Variants in HS2ST1 observed in about 807,000 individuals in gnomAD.
HS2ST1 encodes heparan sulfate 2-O-sulfotransferase 1, also known as 2-O-sulfotransferase.
In HS2ST1, 18 loss-of-function variants were observed where a neutral mutation model predicts 42.9. That is an observed-to-expected ratio of 0.42 (90% CI 0.29 to 0.62). The LOEUF (loss-of-function observed/expected upper bound fraction) is 0.62, where lower values mean the gene tolerates loss of function less well. HS2ST1 is among the 20% of genes least tolerant of loss of function. The pLI is 0.21. For synonymous variants in HS2ST1, 146 were observed against 152.9 expected (o/e 0.95, Z 0.33); for missense variants, 334 against 433.8 (o/e 0.77, Z 2.04).
Position 86,915,096 on chromosome 1 carries a change from C to T in HS2ST1, c.60C>T (p.Phe20=). The T allele has an allele frequency of 6.2e-7, 1 of 1,614,108 alleles. No individual in the cohort carries two copies. The highest frequency in any genetic ancestry group is 8.5e-7 in the Non-Finnish European group (1 of 1,180,006). Residue 20 remains phenylalanine (F), a synonymous_variant, in exon 1 of 7, where the codon TTC becomes TTT. Coordinates refer to ENST00000370550, the MANE Select transcript of HS2ST1 (RefSeq NM_012262.4). ...PKLQLLAVVA[F]AVAMLFLENQ... ...TGCAGCTGCTGGCGGTGGTGGCCTT[C>T]GCGGTGGCGATGCTCTTCTTGGAAA...
intron 2 of HS2ST1, among the ~76,000 whole-genome samples, chr1:87,078,678 T>G: frequency 6.6e-6 from 1 of 152,250 alleles, no homozygotes; most frequent in African/African-American, 2.4e-5. Flanking sequence ...ACTTTACCTT[T>G]CATTTGTGCC....
chr1:86,942,729 T>C (rs1660789202), intron 1 of HS2ST1, among the ~76,000 whole-genome samples: 1 of 152,158 alleles, frequency 6.6e-6, no homozygotes, highest in African/African-American at 2.4e-5. Flanking sequence ...CCTACTCCAA[T>C]CTCCTTAAGA....
chr1:86,921,522 G>T (rs1660299769), intron 1 of HS2ST1, among the ~76,000 whole-genome samples: 1 of 152,088 alleles, frequency 6.6e-6, no homozygotes, highest in Non-Finnish European at 1.5e-5. Context: ...GCGGGAGGTG[G>T]AGGGTGTTTA....
intron 3 of HS2ST1, among the ~76,000 whole-genome samples, chr1:87,086,394 T>TC (rs939774321): frequency 6.6e-6 from 1 of 152,218 alleles, no homozygotes; most frequent in African/African-American, 2.4e-5. Flanking sequence ...CAGACTCGTG[T>TC]TGTTCAAGGG....
intron 1 of HS2ST1, among the ~76,000 whole-genome samples, chr1:86,976,475 G>A (rs1194162301): frequency 2.0e-5 from 3 of 151,818 alleles, no homozygotes; most frequent in Non-Finnish European, 4.4e-5. Flanking sequence ...AGAAACCATG[G>A]CTTTGGTTAG....
At position 86,914,900 on chromosome 1, in the gene HS2ST1, C is replaced by T. The variant is rs945110222; in HGVS notation, c.-137C>T. ...GGACTGGAGAGGCGAGAAGGGGGGT[C>T]GCTGCGGTGGTTCTCTCGCTGTCGC... On this transcript the variant is annotated 5_prime_UTR_variant, in exon 1 of 7. Coordinates refer to ENST00000370550, the MANE Select transcript of HS2ST1 (RefSeq NM_012262.4). The T allele has an allele frequency of 1.2e-5, 12 of 1,031,106 alleles. No individual in the cohort carries two copies. Among genetic ancestry groups the T allele is most frequent in the South Asian group, 7.4e-5 (5 of 67,750 alleles). 63.9% of individuals were successfully genotyped at this position (1,031,106 alleles called of 1,614,324 possible).
chr1:87,045,400 A>G (rs1198818574), intron 1 of HS2ST1: 3 of 1,458,838 alleles, frequency 2.1e-6, no homozygotes, highest in African/African-American at 1.4e-5. Context: ...TTCCTTTCCC[A>G]TCTTCAATTT....
chr1:87,071,784 T>C (rs1447703565), intron 1 of HS2ST1, among the ~76,000 whole-genome samples: 1 of 151,186 alleles, frequency 6.6e-6, no homozygotes, highest in African/African-American at 2.4e-5. Flanking sequence ...GATGCTTCCC[T>C]GGGAAGCAAT....
intron 1 of HS2ST1, among the ~76,000 whole-genome samples, chr1:87,021,153 T>TA (rs967283019): frequency 5.3e-5 from 8 of 152,026 alleles, no homozygotes; most frequent in Non-Finnish European, 7.4e-5. Context: ...CCATTACATA[T>TA]AAAAAAAATT....
At chr1:87,006,049 C>G (rs1200933483) in intron 1 of HS2ST1, among the ~76,000 whole-genome samples, 1 of 151,842 alleles carries the variant, frequency 6.6e-6, no homozygotes, top group Non-Finnish European at 1.5e-5. Context: ...AAGAGAAATT[C>G]TTGTCTAATC....
intron 1 of HS2ST1, among the ~76,000 whole-genome samples, chr1:87,031,572 G>T (rs1650238823): frequency 6.6e-6 from 1 of 152,172 alleles, no homozygotes; most frequent in Non-Finnish European, 1.5e-5. Flanking sequence ...ATTTAGTTTG[G>T]TTGCATTCTT....
intron 1 of HS2ST1, chr1:86,993,256 G>A (rs746928256): frequency 1.2e-4 from 140 of 1,155,660 alleles, no homozygotes; most frequent in Non-Finnish European, 1.6e-4. Flanking sequence ...TCTAAAAACT[G>A]ATAATAGGAT....
intron 1 of HS2ST1, among the ~76,000 whole-genome samples, chr1:86,970,365 T>A (rs1433550581): frequency 6.6e-6 from 1 of 152,296 alleles, no homozygotes; most frequent in Non-Finnish European, 1.5e-5. Context: ...ATCTGCTTAA[T>A]GAAATATAAA....
At chr1:87,021,654 A>G (rs1649956515) in intron 1 of HS2ST1, among the ~76,000 whole-genome samples, 1 of 152,178 alleles carries the variant, frequency 6.6e-6, no homozygotes, top group African/African-American at 2.4e-5. Context: ...AGTCGGAACT[A>G]CAAGGTGCAT....
intron 1 of HS2ST1, among the ~76,000 whole-genome samples, chr1:87,068,968 G>C (rs1013858676): frequency 4.6e-5 from 7 of 152,104 alleles, no homozygotes; most frequent in African/African-American, 1.7e-4. Context: ...CAGTAGCTGG[G>C]ACTACAGGTG....
intron 3 of HS2ST1, among the ~76,000 whole-genome samples, chr1:87,084,939 C>T (rs989282902): frequency 1.3e-5 from 2 of 152,052 alleles, no homozygotes; most frequent in Non-Finnish European, 2.9e-5. Context: ...GCCACTGTGC[C>T]CGGCCTCTGT....
rs114959281 is a variant in HS2ST1, at chr1:86,936,769, C to T, written c.124+21609C>T. On this transcript the variant is annotated intron_variant, in intron 1 of 6. Transcript: ENST00000370550. Reference sequence around the variant, plus strand: ...AACTATTCAGATGAATTTCATTCTACAGCATACGTTTATTCCATGGAACTG... The same window carrying T: ...AACTATTCAGATGAATTTCATTCTATAGCATACGTTTATTCCATGGAACTG... Among the ~76,000 whole-genome samples the T allele has an allele frequency of 1.4e-3, 220 of 152,064 alleles. 1 individual carries two copies. Among genetic ancestry groups the T allele is most frequent in the African/African-American group, 5.0e-3 (209 of 41,468 alleles).
chr1:87,042,202 T>C (rs1650541018), intron 1 of HS2ST1, among the ~76,000 whole-genome samples: 1 of 152,132 alleles, frequency 6.6e-6, no homozygotes, highest in Non-Finnish European at 1.5e-5. Flanking sequence ...GTTATAGCAG[T>C]TTCTTATATG....
At chr1:87,072,819 C>A in intron 1 of HS2ST1, 115 bp from the exon 2 acceptor site, 1 of 742,628 alleles carries the variant, frequency 1.3e-6, no homozygotes, top group Non-Finnish European at 2.2e-6. Flanking sequence ...TGGTTCTTTG[C>A]TTTTGTTTTT....
Sources: gnomAD v4.1 joint callset for allele counts (sites outside exome capture counted in the v4.1 genomes callset) on GRCh38, gnomAD v4.1.1 for gene constraint, MANE v1.5 for transcripts, NCBI Gene and HGNC (gene_info 2026-07-23, HGNC 2026-07-21) for gene names.